LY96: variants seen among roughly 807,000 people sequenced by gnomAD.
The protein encoded by LY96 is lymphocyte antigen 96.
A neutral mutation model predicts 18.9 loss-of-function variants in LY96; 18 were observed. The ratio of observed to expected loss-of-function variants is 0.95; its 90% CI spans 0.66 to 1.41. LY96 has a LOEUF of 1.41. Among genes scored for constraint, LY96 ranks in the 40% most tolerant of loss-of-function variants. The pLI is 0.00. For synonymous variants in LY96, 66 were observed against 62.6 expected (o/e 1.06, Z -0.26); for missense variants, 175 against 182.4 (o/e 0.96, Z 0.23).
At chr8:74,031,161 C>T (rs1171620980), downstream of LY96, among the ~76,000 whole-genome samples, 1 of 152,098 alleles carries the variant, frequency 6.6e-6, no homozygotes, top group Non-Finnish European at 1.5e-5. Flanking sequence ...TCCTCCTTTC[C>T]TGTCCATGAC....
At chr8:74,050,617 A>G in the LY96 span, among the ~76,000 whole-genome samples, 1 of 152,220 alleles carries the variant, frequency 6.6e-6, no homozygotes, top group South Asian at 2.1e-4. Context: ...TTATTTTAAC[A>G]TTTCTTAACG....
the LY96 span, among the ~76,000 whole-genome samples, chr8:74,061,157 T>G: frequency 6.6e-6 from 1 of 152,234 alleles, no homozygotes; most frequent in South Asian, 2.1e-4. Context: ...ATAGACTGAA[T>G]GTTTGTGTCC....
At chr8:74,076,184 G>A in the LY96 span, among the ~76,000 whole-genome samples, 6 of 151,908 alleles carry the variant, frequency 3.9e-5, no homozygotes, top group Admixed American at 2.6e-4. Flanking sequence ...CCCACATCTC[G>A]CAGTTGGGAT....
the LY96 span, among the ~76,000 whole-genome samples, chr8:74,090,172 C>T: frequency 0.62 from 94,047 of 151,854 alleles, 29,895 homozygotes; most frequent in Middle Eastern, 0.73. Flanking sequence ...GTAAGGAGAC[C>T]CCTGCAATCA....
the LY96 span, among the ~76,000 whole-genome samples, chr8:74,050,354 A>G: frequency 5.3e-5 from 8 of 152,194 alleles, no homozygotes; most frequent in African/African-American, 1.7e-4. Context: ...ATTAAAAAAA[A>G]AGTTAAAATA....
chr8:74,002,383 T>A (rs1278985235), intron 1 of LY96, among the ~76,000 whole-genome samples: 1 of 151,772 alleles, frequency 6.6e-6, no homozygotes, highest in East Asian at 1.9e-4. Flanking sequence ...GTCTCACCAT[T>A]ACCTTAAGTT....
At chr8:74,051,773 C>A in the LY96 span, among the ~76,000 whole-genome samples, 1 of 152,208 alleles carries the variant, frequency 6.6e-6, no homozygotes, top group African/African-American at 2.4e-5. Flanking sequence ...CGGCCTTCAA[C>A]AGACACCGAA....
chr8:74,064,142 A>G, the LY96 span, among the ~76,000 whole-genome samples: 1 of 152,258 alleles, frequency 6.6e-6, no homozygotes, highest in Non-Finnish European at 1.5e-5. Context: ...AAAAACCAAT[A>G]TAAAACAAAA....
At chr8:74,004,080 C>T (rs1258905735) in intron 1 of LY96, among the ~76,000 whole-genome samples, 3 of 152,172 alleles carry the variant, frequency 2.0e-5, no homozygotes, top group African/African-American at 4.8e-5. Context: ...TGTCAGAACT[C>T]TAGGACTGAT....
the LY96 span, among the ~76,000 whole-genome samples, chr8:74,097,265 C>G: frequency 1.3e-5 from 2 of 152,266 alleles, no homozygotes; most frequent in Non-Finnish European, 2.9e-5. Context: ...TGTCTGGGTA[C>G]AAATCCTGAC....
At chr8:74,020,632 G>A (rs916521881) in intron 3 of LY96, among the ~76,000 whole-genome samples, 4 of 152,096 alleles carry the variant, frequency 2.6e-5, no homozygotes, top group South Asian at 2.1e-4. Flanking sequence ...AGCAAAAAGA[G>A]CAAAGCTGGA....
chr8:74,049,758 T>C, the LY96 span, among the ~76,000 whole-genome samples: 1 of 152,200 alleles, frequency 6.6e-6, no homozygotes, highest in Admixed American at 6.5e-5. Flanking sequence ...CTGTTTAGAA[T>C]CTAGCAGGAT....
chr8:74,006,800 A>G (rs186873624), intron 2 of LY96, among the ~76,000 whole-genome samples: 1 of 152,342 alleles, frequency 6.6e-6, no homozygotes, highest in African/African-American at 2.4e-5. Context: ...TCTCACTTTC[A>G]AGTGAATCCC....
chr8:74,081,031 T>A, the LY96 span, among the ~76,000 whole-genome samples: 1 of 123,922 alleles, frequency 8.1e-6, no homozygotes, highest in African/African-American at 4.1e-5. Context: ...TCTTTCTTTC[T>A]TTCTTTCTTT....
chr8:74,071,092 G>A, the LY96 span, among the ~76,000 whole-genome samples: 589 of 152,232 alleles, frequency 3.9e-3, 5 homozygotes, highest in African/African-American at 0.013. Flanking sequence ...CGGTCACACA[G>A]CTAGCAAGCA....
At chr8:74,024,989 TCTTTC>T (rs1816839817) in intron 3 of LY96, among the ~76,000 whole-genome samples, 2 of 151,900 alleles carry the variant, frequency 1.3e-5, no homozygotes, top group African/African-American at 2.4e-5. Context: ...ACCACACCCA[TCTTTC>T]TTTTATATAT....
At chr8:74,070,799 A>G in the LY96 span, among the ~76,000 whole-genome samples, 26 of 152,320 alleles carry the variant, frequency 1.7e-4, no homozygotes, top group South Asian at 5.2e-3. Context: ...CAAAATCAGG[A>G]CACAAGGGGT....
the LY96 span, among the ~76,000 whole-genome samples, chr8:74,095,955 T>C: frequency 2.0e-5 from 3 of 152,204 alleles, no homozygotes; most frequent in Non-Finnish European, 4.4e-5. Flanking sequence ...TCTAGATCTT[T>C]CTTCCAAGTT....
chr8:74,026,680 T>C, intron 3 of LY96, 109 bp from the exon 4 acceptor site: 3 of 690,190 alleles, frequency 4.3e-6, no homozygotes, highest in East Asian at 5.4e-5. Context: ...TTCTACAGTT[T>C]TGCTTGGGAC....
Sources: allele counts gnomAD v4.1 joint callset (sites outside exome capture counted in the v4.1 genomes callset), GRCh38; gene constraint gnomAD v4.1.1; transcripts MANE v1.5; gene names NCBI Gene and HGNC (gene_info 2026-07-23, HGNC 2026-07-21).